Variants in CCSER1 observed in about 807,000 individuals in gnomAD.
The protein encoded by CCSER1 is serine-rich coiled-coil domain-containing protein 1.
CCSER1 carries 41 observed loss-of-function variants against 82.0 expected under a neutral mutation model. That is an observed-to-expected ratio of 0.50 (90% CI 0.39 to 0.65). CCSER1 has a LOEUF of 0.65. Among genes scored for constraint, CCSER1 ranks in the 30% least tolerant of loss-of-function variants. CCSER1 has a pLI of 0.00. For synonymous variants in CCSER1, 414 were observed against 383.9 expected (o/e 1.08, Z -0.92); for missense variants, 1,119 against 1,064.2 (o/e 1.05, Z -0.72).
intron 10 of CCSER1, among the ~76,000 whole-genome samples, chr4:91,511,704 T>C (rs961603797): frequency 6.6e-6 from 1 of 152,184 alleles, no homozygotes; most frequent in Non-Finnish European, 1.5e-5. Flanking sequence ...ATGCTCCTTA[T>C]GAGAATCTAA....
chr4:90,502,749 TTTA>T (rs1277747466), intron 5 of CCSER1, among the ~76,000 whole-genome samples: 7 of 152,308 alleles, frequency 4.6e-5, no homozygotes, highest in African/African-American at 1.7e-4. Flanking sequence ...ATCTTGGATA[TTTA>T]TTTTTAATTA....
At chr4:90,589,311 T>A (rs1241098778) in intron 5 of CCSER1, among the ~76,000 whole-genome samples, 1 of 152,114 alleles carries the variant, frequency 6.6e-6, no homozygotes, top group Non-Finnish European at 1.5e-5. Flanking sequence ...CATCAGAAGG[T>A]GTTTATAATT....
At chr4:91,392,627 A>C (rs963222410) in intron 10 of CCSER1, among the ~76,000 whole-genome samples, 3 of 152,192 alleles carry the variant, frequency 2.0e-5, no homozygotes, top group Non-Finnish European at 4.4e-5. Flanking sequence ...AGTCATATAT[A>C]TTAGCTCATT....
chr4:91,571,501 A>AT (rs1763181982), intron 10 of CCSER1, among the ~76,000 whole-genome samples: 1 of 152,314 alleles, frequency 6.6e-6, no homozygotes, highest in Non-Finnish European at 1.5e-5. Flanking sequence ...CAATCATGTC[A>AT]GAAGGCACCT....
chr4:91,309,741 A>C (rs779322882), intron 10 of CCSER1, among the ~76,000 whole-genome samples: 5 of 152,022 alleles, frequency 3.3e-5, no homozygotes, highest in Non-Finnish European at 7.4e-5. Context: ...TCATGTATAT[A>C]TAGGAATATA....
At chr4:91,191,024 CAT>C (rs1038747899) in intron 10 of CCSER1, among the ~76,000 whole-genome samples, 55 of 152,246 alleles carry the variant, frequency 3.6e-4, no homozygotes, top group African/African-American at 1.2e-3. Flanking sequence ...TGCTTTATAA[CAT>C]ATGCTATTAA....
In CCSER1 at chr4:90,469,597, A is replaced by G. The variant is rs185712248; in HGVS notation, c.1724+1243A>G. ...CTTATCTTTTATTTAGGGTGATATCACCACTCTCTTTGTTAGTATTATGTG... is the reference window on the plus strand; with the variant it reads ...CTTATCTTTTATTTAGGGTGATATCGCCACTCTCTTTGTTAGTATTATGTG... On this transcript the variant is annotated intron_variant, in intron 5 of 10. Coordinates refer to ENST00000509176, the MANE Select transcript of CCSER1 (RefSeq NM_001145065.2). Among the ~76,000 whole-genome samples, 21 of 149,614 alleles carry G rather than the reference A, an allele frequency of 1.4e-4. No individual in the cohort carries two copies. In the East Asian group the frequency reaches 4.0e-3, roughly 29 times the overall value.
At chr4:91,173,082 A>G (rs889088269) in intron 10 of CCSER1, among the ~76,000 whole-genome samples, 2 of 152,174 alleles carry the variant, frequency 1.3e-5, no homozygotes, top group Non-Finnish European at 2.9e-5. Flanking sequence ...GGCCCTGTTG[A>G]TCATCAAGAT....
chr4:90,753,967 A>G (rs1285540619), intron 7 of CCSER1, among the ~76,000 whole-genome samples: 2 of 152,164 alleles, frequency 1.3e-5, no homozygotes, highest in Non-Finnish European at 2.9e-5. Context: ...ACATTACCAT[A>G]TAGCTCATTC....
intron 5 of CCSER1, among the ~76,000 whole-genome samples, chr4:90,511,379 C>T (rs1771481040): frequency 6.6e-6 from 1 of 152,162 alleles, no homozygotes. Context: ...GATTGCACCA[C>T]TGCACTCCAA....
chr4:91,303,628 G>GAAT (rs879713217), intron 10 of CCSER1, among the ~76,000 whole-genome samples: 76 of 151,270 alleles, frequency 5.0e-4, no homozygotes, highest in African/African-American at 1.1e-3. Context: ...TCTACAAAAA[G>GAAT]AATAATAATA....
At chr4:91,463,765 T>C (rs574262277) in intron 10 of CCSER1, among the ~76,000 whole-genome samples, 1 of 151,998 alleles carries the variant, frequency 6.6e-6, no homozygotes, top group African/African-American at 2.4e-5. Flanking sequence ...TGATTGAAGA[T>C]CAAATGAATG....
chr4:91,286,117 C>T (rs540831573), intron 10 of CCSER1, among the ~76,000 whole-genome samples: 1 of 151,290 alleles, frequency 6.6e-6, no homozygotes, highest in Admixed American at 6.6e-5. Flanking sequence ...TATAATCAGT[C>T]AAGAAATTTT....
chr4:91,511,024 T>A (rs1264674909), intron 10 of CCSER1, among the ~76,000 whole-genome samples: 1 of 152,184 alleles, frequency 6.6e-6, no homozygotes, highest in Non-Finnish European at 1.5e-5. Context: ...AAAAAAGGGA[T>A]CCAGCCTCTT....
intron 7 of CCSER1, among the ~76,000 whole-genome samples, chr4:90,750,685 G>A (rs1224792690): frequency 6.6e-6 from 1 of 152,072 alleles, no homozygotes; most frequent in Non-Finnish European, 1.5e-5. Flanking sequence ...GAATTTTGAA[G>A]AACAATTCTA....
At chr4:91,236,746 T>A (rs1739041854) in intron 10 of CCSER1, among the ~76,000 whole-genome samples, 1 of 152,212 alleles carries the variant, frequency 6.6e-6, no homozygotes, top group Non-Finnish European at 1.5e-5. Flanking sequence ...TGGTTCTTAT[T>A]TCAGAGGCAA....
chr4:91,094,776 G>T (rs1724333752), intron 10 of CCSER1, among the ~76,000 whole-genome samples: 3 of 152,050 alleles, frequency 2.0e-5, no homozygotes, highest in South Asian at 2.1e-4. Flanking sequence ...TCCTGACCTG[G>T]CTCGGTTAGA....
intron 10 of CCSER1, among the ~76,000 whole-genome samples, chr4:91,136,546 A>G (rs184570799): frequency 4.6e-5 from 7 of 152,284 alleles, no homozygotes; most frequent in African/African-American, 1.7e-4. Flanking sequence ...TATTTAATTT[A>G]TAAGTATATA....
chr4:90,620,580 TATG>T (rs958480675), intron 5 of CCSER1, among the ~76,000 whole-genome samples: 1 of 152,184 alleles, frequency 6.6e-6, no homozygotes, highest in Non-Finnish European at 1.5e-5. Context: ...CACAGTTAAT[TATG>T]ATATTTCACC....
Sources: allele counts gnomAD v4.1 joint callset (sites outside exome capture counted in the v4.1 genomes callset), GRCh38; gene constraint gnomAD v4.1.1; transcripts MANE v1.5; gene names NCBI Gene and HGNC (gene_info 2026-07-23, HGNC 2026-07-21).